Variants in ERC2 observed in about 807,000 individuals in gnomAD.
The protein encoded by ERC2 is ELKS/RAB6-interacting/CAST family member 2.
Under a neutral mutation model 114.8 loss-of-function variants are expected in ERC2, and 42 were observed. The ratio of observed to expected loss-of-function variants is 0.37; its 90% confidence interval spans 0.29 to 0.47. The LOEUF is 0.47. Among genes scored for constraint, ERC2 ranks in the 20% least tolerant of loss-of-function variants. ERC2 has a pLI of 0.99. For missense variants in ERC2, 939 were observed against 1,150.7 expected, an observed-to-expected ratio of 0.82 and a Z score of 2.66; for synonymous variants, 454 against 425.5, an observed-to-expected ratio of 1.07 and a Z score of -0.82.
intron 14 of ERC2, among the ~76,000 whole-genome samples, chr3:55,864,741 T>C (rs17056065): frequency 0.13 from 20,414 of 152,128 alleles, 1,890 homozygotes; most frequent in African/African-American, 0.26. Flanking sequence ...TTTGCCAAAC[T>C]GTCACCATCA....
chr3:56,215,163 T>G (rs4476474), intron 3 of ERC2, among the ~76,000 whole-genome samples: 141,131 of 152,182 alleles, frequency 0.93, 65,724 homozygotes, highest in East Asian at 1. Context: ...AAAGGTAAAT[T>G]GGCTAAATGC....
At position 56,069,623 on chromosome 3, in the gene ERC2, A is replaced by G. The variant is rs7634287; in HGVS notation, c.1641+11194T>C. Among the ~76,000 whole-genome samples, 1,209 of 152,280 alleles carry G rather than the reference A, an allele frequency of 7.9e-3. 15 individuals carry two copies. Among genetic ancestry groups the G allele is most frequent in the African/African-American group, 0.027 (1,132 of 41,548 alleles). ...TTATTCAAAGCACATACAACAGGGA[A>G]GTGGGAAAGCTCAGGGGTCCATCTT... On this transcript the variant is annotated intron_variant, in intron 7 of 17. Transcript: ENST00000288221.
chr3:55,988,385 G>A (rs1353436939), intron 11 of ERC2, among the ~76,000 whole-genome samples: 1 of 152,194 alleles, frequency 6.6e-6, no homozygotes, highest in Non-Finnish European at 1.5e-5. Flanking sequence ...AGGCATAACT[G>A]CACGTGGGAC....
At chr3:56,199,846 T>C (rs2048310691) in intron 3 of ERC2, among the ~76,000 whole-genome samples, 2 of 151,918 alleles carry the variant, frequency 1.3e-5, no homozygotes, top group Non-Finnish European at 1.5e-5. Context: ...CTGGCTGCCA[T>C]GTGGAGAATG....
In ERC2 at chr3:55,509,364, TC is replaced by T. The variant is rs1317732981; in HGVS notation, c.*1951del. Reference sequence around the variant, plus strand: ...AGTGAGAACCACTTCTTTGAGGACATCCAAACTGTTCACTGGGACACATTTG... The same window carrying T: ...AGTGAGAACCACTTCTTTGAGGACATCAAACTGTTCACTGGGACACATTTG... On this transcript the variant is annotated 3_prime_UTR_variant, in exon 18 of 18. Coordinates refer to ENST00000288221, the MANE Select transcript of ERC2 (RefSeq NM_015576.3). 1 of 152,586 alleles carries T rather than the reference TC, an allele frequency of 6.6e-6. No homozygotes were observed. Among genetic ancestry groups the T allele is most frequent in the Admixed American group, 6.6e-5 (1 of 15,266 alleles). The allele number at this position is 152,586 out of a possible 1,614,324, so 9.5% of individuals were successfully genotyped here.
intron 13 of ERC2, among the ~76,000 whole-genome samples, chr3:55,934,685 A>G (rs1464116818): frequency 1.3e-5 from 2 of 152,228 alleles, no homozygotes; most frequent in African/African-American, 4.8e-5. Context: ...CAAAGAAAAA[A>G]AATTGGGAAG....
chr3:56,268,296 A>G (rs1249926501), intron 3 of ERC2, among the ~76,000 whole-genome samples: 1 of 152,214 alleles, frequency 6.6e-6, no homozygotes, highest in Non-Finnish European at 1.5e-5. Context: ...GTAGGAAGCT[A>G]TACTATCCAG....
chr3:55,918,750 A>T (rs1435707107), intron 13 of ERC2, among the ~76,000 whole-genome samples: 9 of 151,306 alleles, frequency 5.9e-5, no homozygotes, highest in Non-Finnish European at 1.2e-4. Flanking sequence ...AGGCAGCACC[A>T]ACAACCAGAT....
At chr3:55,557,547 A>G (rs2055704838) in intron 17 of ERC2, among the ~76,000 whole-genome samples, 1 of 152,234 alleles carries the variant, frequency 6.6e-6, no homozygotes, top group Non-Finnish European at 1.5e-5. Context: ...AATCCTTTAT[A>G]TATTAAGTAG....
chr3:55,781,227 A>T (rs1426738381), intron 14 of ERC2, among the ~76,000 whole-genome samples: 1 of 152,156 alleles, frequency 6.6e-6, no homozygotes, highest in Non-Finnish European at 1.5e-5. Flanking sequence ...CTTGTAGAGG[A>T]CACCCCATAT....
At chr3:55,984,596 C>T (rs74861979) in intron 12 of ERC2, among the ~76,000 whole-genome samples, 2 of 152,116 alleles carry the variant, frequency 1.3e-5, no homozygotes, top group Non-Finnish European at 2.9e-5. Context: ...CCTTCCCTAC[C>T]GCCCATTATG....
chr3:55,709,108 C>T (rs1293402563), intron 15 of ERC2, among the ~76,000 whole-genome samples: 12 of 152,152 alleles, frequency 7.9e-5, no homozygotes, highest in Admixed American at 7.9e-4. Flanking sequence ...ATGGGCAAAA[C>T]AGCCTCGGGG....
At chr3:56,081,625 A>G (rs558283889) in intron 6 of ERC2, among the ~76,000 whole-genome samples, 2 of 152,258 alleles carry the variant, frequency 1.3e-5, no homozygotes, top group Non-Finnish European at 2.9e-5. Context: ...CAGCTCTAAA[A>G]TTTAAAAAAA....
rs57569931 is a variant in ERC2 at position 55,808,742 on chromosome 3, T to TAAAA, written c.2565-73825_2565-73824insTTTT. Among the ~76,000 whole-genome samples, 112 of 100,366 alleles carry TAAAA rather than the reference T, an allele frequency of 1.1e-3. 3 individuals are homozygous for TAAAA. Among genetic ancestry groups the TAAAA allele is most frequent in the Admixed American group, 2.9e-3 (30 of 10,374 alleles). The allele number at this position is 100,366 out of a possible 152,430, so 65.8% of individuals were successfully genotyped here. On this transcript the variant is annotated intron_variant, in intron 14 of 17. Coordinates refer to ENST00000288221, the MANE Select transcript of ERC2 (RefSeq NM_015576.3). ...ATATATATATATATATATATATATATAACGTATAACTAAACATATATATAT... is the reference window on the plus strand; with the variant it reads ...ATATATATATATATATATATATATATAAAAAACGTATAACTAAACATATATATAT...
At chr3:55,516,481 G>A (rs1405546373) in intron 17 of ERC2, among the ~76,000 whole-genome samples, 3 of 151,744 alleles carry the variant, frequency 2.0e-5, no homozygotes, top group African/African-American at 7.3e-5. Context: ...CCTTGAGAGT[G>A]GACTCCTACA....
At chr3:55,707,559 C>T (rs970155362) in intron 15 of ERC2, among the ~76,000 whole-genome samples, 1 of 152,176 alleles carries the variant, frequency 6.6e-6, no homozygotes, top group African/African-American at 2.4e-5. Flanking sequence ...CAGTACAGCC[C>T]ATGAGGAAGG....
At chr3:56,050,985 GA>G (rs1348103106) in intron 7 of ERC2, among the ~76,000 whole-genome samples, 2 of 152,182 alleles carry the variant, frequency 1.3e-5, no homozygotes, top group Non-Finnish European at 2.9e-5. Context: ...AAGCACATGA[GA>G]AACTCATATA....
Position 55,556,151 on chromosome 3 carries a change from C to T in ERC2, c.*40-44875G>A, listed in dbSNP as rs373010312. On this transcript the variant is annotated intron_variant, in intron 17 of 17. Transcript: ENST00000288221. ...GCAGGGAAAAAGCCTCCAGGACTCA[C>T]GTGACTGCATTTCCTAACTCTTCAT... Among the ~76,000 whole-genome samples the T allele has an allele frequency of 1.5e-4, 23 of 152,314 alleles. No homozygotes were observed. In the East Asian group the frequency reaches 1.7e-3, roughly 11 times the overall value.
chr3:55,840,846 T>C (rs1013870983), intron 14 of ERC2, among the ~76,000 whole-genome samples: 4 of 151,828 alleles, frequency 2.6e-5, no homozygotes, highest in African/African-American at 9.7e-5. Flanking sequence ...AATAAGCAAG[T>C]CAAAAAAGAG....
Sources: gnomAD v4.1 joint callset for allele counts (sites outside exome capture counted in the v4.1 genomes callset) on GRCh38, gnomAD v4.1.1 for gene constraint, MANE v1.5 for transcripts, NCBI Gene and HGNC (gene_info 2026-07-23, HGNC 2026-07-21) for gene names.